SLC24A3: variants seen among roughly 807,000 people sequenced by gnomAD.
SLC24A3 encodes solute carrier family 24 member 3, also known as sodium/potassium/calcium exchanger 3.
SLC24A3 carries 28 observed loss-of-function variants against 75.8 expected under a neutral mutation model. The observed-to-expected ratio is 0.37, with a 90% CI of 0.27 to 0.51. The LOEUF (loss-of-function observed/expected upper bound fraction) is 0.51, where lower values mean the gene tolerates loss of function less well. Ranked by LOEUF, SLC24A3 falls within the 20% of genes least tolerant of loss-of-function variation. The pLI is 0.94. For synonymous variants in SLC24A3, 372 were observed against 334.1 expected (o/e 1.11, Z -1.24); for missense variants, 663 against 847.8 (o/e 0.78, Z 2.71).
In SLC24A3 at chr20:19,663,868, A is replaced by T. The variant is rs183102729; in HGVS notation, c.688-1996A>T. Among the ~76,000 whole-genome samples the T allele has an allele frequency of 3.3e-3, 495 of 152,298 alleles. 2 individuals are homozygous for T. Among genetic ancestry groups the T allele is most frequent in the African/African-American group, 0.011 (452 of 41,572 alleles). On this transcript the variant is annotated intron_variant, in intron 7 of 16. Coordinates refer to ENST00000328041, the MANE Select transcript of SLC24A3 (RefSeq NM_020689.4). ...GATCATTGAAATGATCAGTAGCTAA[A>T]GTCCTATGAATCTCAGGGCTGACTG...
At chr20:19,715,817 A>G (rs934542418) in intron 15 of SLC24A3, among the ~76,000 whole-genome samples, 17 of 152,166 alleles carry the variant, frequency 1.1e-4, no homozygotes, top group Admixed American at 7.9e-4. Flanking sequence ...ACAATGCACA[A>G]ATCAACCAGC....
At chr20:19,388,999 CT>C (rs887710341) in intron 2 of SLC24A3, among the ~76,000 whole-genome samples, 4 of 151,588 alleles carry the variant, frequency 2.6e-5, no homozygotes, top group Non-Finnish European at 5.9e-5. Flanking sequence ...TTCTCTTTAT[CT>C]TTTGTGATTT....
chr20:19,364,856 T>C (rs1338071366), intron 2 of SLC24A3, among the ~76,000 whole-genome samples: 1 of 152,138 alleles, frequency 6.6e-6, no homozygotes, highest in Non-Finnish European at 1.5e-5. Flanking sequence ...TGCCATTATC[T>C]GCAGGGTCAA....
chr20:19,322,360 TCCTTC>T (rs201830895), intron 2 of SLC24A3, among the ~76,000 whole-genome samples: 8,127 of 55,404 alleles, frequency 0.15, 479 homozygotes, highest in African/African-American at 0.35. Context: ...TTTCCTTCCT[TCCTTC>T]CCTTCCTTCC....
intron 6 of SLC24A3, among the ~76,000 whole-genome samples, chr20:19,640,166 C>T (rs1266185499): frequency 6.6e-6 from 1 of 152,250 alleles, no homozygotes; most frequent in East Asian, 1.9e-4. Flanking sequence ...CGAGCGAGGG[C>T]TGTGAGGACT....
At chr20:19,633,687 G>A (rs890116594) in intron 6 of SLC24A3, among the ~76,000 whole-genome samples, 2 of 148,292 alleles carry the variant, frequency 1.3e-5, no homozygotes, top group Admixed American at 6.7e-5. Context: ...CAGTAGTATT[G>A]GATTAGGGTC....
chr20:19,440,000 C>A (rs1859275403), intron 2 of SLC24A3, among the ~76,000 whole-genome samples: 1 of 152,100 alleles, frequency 6.6e-6, no homozygotes, highest in African/African-American at 2.4e-5. Context: ...AATACATATT[C>A]CTATGGATTT....
intron 1 of SLC24A3, chr20:19,266,028 A>G (rs918134905): frequency 5.9e-5 from 9 of 152,600 alleles, no homozygotes; most frequent in Admixed American, 6.6e-5. Context: ...GTTGATTCTA[A>G]CCAAGGGAGA....
intron 16 of SLC24A3, among the ~76,000 whole-genome samples, chr20:19,720,498 A>C (rs896827378): frequency 1.1e-4 from 16 of 151,698 alleles, no homozygotes; most frequent in Admixed American, 8.5e-4. Flanking sequence ...TTTAGGGAGG[A>C]GAGAAGGAAA....
chr20:19,507,499 C>T (rs911636925), intron 2 of SLC24A3, among the ~76,000 whole-genome samples: 1 of 152,352 alleles, frequency 6.6e-6, no homozygotes, highest in South Asian at 2.1e-4. Flanking sequence ...GTATCAGTCA[C>T]TCAGGGATCC....
At chr20:19,533,300 G>T (rs951292621) in intron 3 of SLC24A3, among the ~76,000 whole-genome samples, 1 of 152,160 alleles carries the variant, frequency 6.6e-6, no homozygotes, top group African/African-American at 2.4e-5. Context: ...GAGGCTGAAT[G>T]GTTTACGCAG....
In SLC24A3 at chr20:19,252,127, T is replaced by A. The variant is rs981043787; in HGVS notation, c.143-28832T>A. Among the ~76,000 whole-genome samples, 3 of 152,180 alleles carry A rather than the reference T, an allele frequency of 2.0e-5. No homozygotes were observed. In the South Asian group the frequency reaches 6.2e-4, roughly 32 times the overall value. On this transcript the variant is annotated intron_variant, in intron 1 of 16. Transcript: ENST00000328041. ...ACCAAAGACAACACAGAGTGTTGTG[T>A]GTAGCTCTTAGTAAATTCCTTGTTA...
intron 8 of SLC24A3, among the ~76,000 whole-genome samples, chr20:19,671,231 G>C (rs1361086223): frequency 2.0e-5 from 3 of 152,200 alleles, no homozygotes; most frequent in African/African-American, 4.8e-5. Context: ...CAGTGCAAAG[G>C]CTCTGGGAGA....
chr20:19,538,295 G>A (rs2030436417), intron 3 of SLC24A3, among the ~76,000 whole-genome samples: 1 of 152,162 alleles, frequency 6.6e-6, no homozygotes, highest in South Asian at 2.1e-4. Context: ...TCAGTGGGTA[G>A]ATTATTGTTT....
chr20:19,450,208 T>C (rs1201782921), intron 2 of SLC24A3, among the ~76,000 whole-genome samples: 1 of 152,222 alleles, frequency 6.6e-6, no homozygotes, highest in Non-Finnish European at 1.5e-5. Context: ...GACAACATGA[T>C]GGCAGTCCTC....
chr20:19,258,573 G>A lies in SLC24A3; in HGVS notation c.143-22386G>A, dbSNP rs528191580. Among the ~76,000 whole-genome samples the A allele has an allele frequency of 1.2e-3, 177 of 152,192 alleles. 2 individuals are homozygous for A. The highest frequency in any genetic ancestry group is 1.9e-4 in the East Asian group (1 of 5,166). ...ACAAAATTAGCTGGTTGTGGTGCAC[G>A]TGCCCATAATCCCGGCTACTCGGGA... On this transcript the variant is annotated intron_variant, in intron 1 of 16. Transcript: ENST00000328041.
At chr20:19,385,626 A>G (rs975538492) in intron 2 of SLC24A3, among the ~76,000 whole-genome samples, 2 of 147,562 alleles carry the variant, frequency 1.4e-5, no homozygotes, top group East Asian at 4.0e-4. Context: ...GTGGTTTCAT[A>G]TGAATTTTAA....
chr20:19,213,038 C>G (rs6106031), intron 1 of SLC24A3, 54 bp downstream of exon 1: 2 of 1,173,878 alleles, frequency 1.7e-6, no homozygotes, highest in Non-Finnish European at 2.1e-6. Flanking sequence ...CGGCTCGGGG[C>G]TCCCGGGGCT....
intron 4 of SLC24A3, among the ~76,000 whole-genome samples, chr20:19,581,291 T>C (rs2031215252): frequency 6.6e-6 from 1 of 152,236 alleles, no homozygotes; most frequent in Admixed American, 6.5e-5. Flanking sequence ...CTGTGATCTC[T>C]GAAATACCAC....
Sources: allele counts gnomAD v4.1 joint callset (sites outside exome capture counted in the v4.1 genomes callset), GRCh38; gene constraint gnomAD v4.1.1; transcripts MANE v1.5; gene names NCBI Gene and HGNC (gene_info 2026-07-23, HGNC 2026-07-21).